RLN2: variants seen among roughly 807,000 people sequenced by gnomAD.
RLN2 encodes the protein prorelaxin H2.
A neutral mutation model predicts 7.3 loss-of-function variants in RLN2; 10 were observed. The observed-to-expected ratio is 1.36, with a 90% confidence interval of 0.84 to 2.31. The LOEUF is 2.31. RLN2 is among the 30% of genes most tolerant of loss of function. RLN2 has a pLI of 0.00. For missense variants in RLN2, 298 were observed against 217.6 expected (o/e 1.37, Z -2.32); for synonymous variants, 103 against 82.3 (o/e 1.25, Z -1.36).
At chr9:5,301,280 C>A (rs1488225656) in intron 1 of RLN2, among the ~76,000 whole-genome samples, 1 of 152,214 alleles carries the variant, frequency 6.6e-6, no homozygotes, top group Non-Finnish European at 1.5e-5. Flanking sequence ...AATGTGAAGG[C>A]TGGGACTTGG....
At chr9:5,314,185 T>C in the RLN2 span, among the ~76,000 whole-genome samples, 17 of 152,028 alleles carry the variant, frequency 1.1e-4, no homozygotes, top group African/African-American at 3.6e-4. Context: ...ATCAGAAACA[T>C]TGTTGGAATG....
chr9:5,334,199 G>A, the RLN2 span, among the ~76,000 whole-genome samples: 1 of 151,964 alleles, frequency 6.6e-6, no homozygotes, highest in Non-Finnish European at 1.5e-5. Flanking sequence ...GAAATAAAGG[G>A]TATTCGAATA....
the RLN2 span, among the ~76,000 whole-genome samples, chr9:5,323,922 C>A: frequency 3.3e-5 from 5 of 151,834 alleles, no homozygotes; most frequent in Admixed American, 3.3e-4. Flanking sequence ...TTGATATGTG[C>A]CTGTAGTCCC....
chr9:5,310,773 T>C, the RLN2 span, among the ~76,000 whole-genome samples: 1 of 152,074 alleles, frequency 6.6e-6, no homozygotes, highest in Non-Finnish European at 1.5e-5. Context: ...CTCCCTTCCA[T>C]TTCTTGTATC....
chr9:5,300,453 T>A lies in RLN2; in HGVS notation c.212-9A>T, dbSNP rs1427729689. On this transcript the variant is annotated splice_polypyrimidine_tract_variant and intron_variant, in intron 1 of 1. Transcript: ENST00000381627. ...GAAGGATGGCACAATTTCTGTTAAA[T>A]TTAAAAAAAAAGGTGTATGTGAGGG... 13 of 1,572,328 alleles carry A rather than the reference T, an allele frequency of 8.3e-6. No individual in the cohort carries two copies. The Admixed American group carries it at 1.3e-4, about 16-fold the overall frequency.
chr9:5,308,133 T>C (rs981427893), upstream of RLN2, among the ~76,000 whole-genome samples: 1 of 151,988 alleles, frequency 6.6e-6, no homozygotes, highest in Non-Finnish European at 1.5e-5. Context: ...TCTCCCCAGA[T>C]GCCTTTGGAA....
chr9:5,300,399 A>G lies in RLN2; in HGVS notation c.257T>C (p.Met86Thr), dbSNP rs770928034. The G allele has an allele frequency of 2.7e-5, 44 of 1,610,188 alleles. No individual in the cohort carries two copies. The highest frequency in any genetic ancestry group is 3.6e-5 in the Non-Finnish European group (42 of 1,179,060). Reference sequence around the variant, plus strand: ...CAAATTAGCAACAAATTCTGACATCATATTTATGGTTTCTGTATCTTTGTT... The same window carrying G: ...CAAATTAGCAACAAATTCTGACATCGTATTTATGGTTTCTGTATCTTTGTT... ...FINKDTETINMMSEFVANLPQ... is the reference protein window; with the variant it reads ...FINKDTETINTMSEFVANLPQ... The change falls in exon 2 of 2, where the codon ATG (methionine) becomes ACG (threonine). Residue 86 changes from methionine (M) to threonine (T), a missense_variant. By Grantham distance (81) the Met-to-Thr change is moderately conservative. Transcript: ENST00000381627.
the RLN2 span, among the ~76,000 whole-genome samples, chr9:5,318,739 G>A: frequency 6.6e-6 from 1 of 151,634 alleles, no homozygotes; most frequent in South Asian, 2.1e-4. Flanking sequence ...TTTTTGCTGA[G>A]GATTCTATTT....
the RLN2 span, among the ~76,000 whole-genome samples, chr9:5,322,486 G>C: frequency 6.6e-6 from 1 of 152,052 alleles, no homozygotes; most frequent in East Asian, 1.9e-4. Context: ...ACAAGGTTTT[G>C]CCTGTAGGAA....
chr9:5,307,288 G>C (rs1412572187), upstream of RLN2, among the ~76,000 whole-genome samples: 2 of 134,428 alleles, frequency 1.5e-5, no homozygotes, highest in Non-Finnish European at 3.2e-5. Context: ...TAGATAGATA[G>C]ATAGATAGAT....
the RLN2 span, among the ~76,000 whole-genome samples, chr9:5,327,638 A>C: frequency 6.6e-6 from 1 of 151,972 alleles, no homozygotes; most frequent in African/African-American, 2.4e-5. Flanking sequence ...CCTGACTGGG[A>C]AACACCTCCC....
At chr9:5,305,402 C>CACAA (rs397829533), upstream of RLN2, among the ~76,000 whole-genome samples, 4 of 112,204 alleles carry the variant, frequency 3.6e-5, no homozygotes, top group Non-Finnish European at 5.5e-5. Flanking sequence ...CACACACACA[C>CACAA]AGAGAGAGAG....
At chr9:5,332,015 A>C in the RLN2 span, among the ~76,000 whole-genome samples, 1 of 152,028 alleles carries the variant, frequency 6.6e-6, no homozygotes, top group South Asian at 2.1e-4. Flanking sequence ...TATTTGTGTT[A>C]ATGAAAAAAA....
At chr9:5,309,682 G>C (rs1441354849), upstream of RLN2, among the ~76,000 whole-genome samples, 1 of 152,062 alleles carries the variant, frequency 6.6e-6, no homozygotes, top group Admixed American at 6.6e-5. Context: ...TTCCTCTACA[G>C]TCTGTTCCTT....
the RLN2 span, among the ~76,000 whole-genome samples, chr9:5,329,484 C>T: frequency 9.5e-4 from 144 of 151,270 alleles, 3 homozygotes; most frequent in South Asian, 0.03. Flanking sequence ...GAGTCAAGAC[C>T]CCTTGGTGTG....
upstream of RLN2, chr9:5,304,778 C>T (rs1563736042): frequency 1.7e-6 from 1 of 605,270 alleles, no homozygotes; most frequent in Non-Finnish European, 3.0e-6. Flanking sequence ...CTTTCCCACA[C>T]CCCTCCACAG....
chr9:5,324,346 A>G, the RLN2 span, among the ~76,000 whole-genome samples: 1 of 152,186 alleles, frequency 6.6e-6, no homozygotes. Context: ...AATTCCCTCA[A>G]AACAAATGTG....
At chr9:5,332,266 TAG>T in the RLN2 span, among the ~76,000 whole-genome samples, 1 of 152,062 alleles carries the variant, frequency 6.6e-6, no homozygotes, top group African/African-American at 2.4e-5. Context: ...TGTGCAGAAG[TAG>T]ACTGGCTTTC....
intron 1 of RLN2, 118 bp from the exon 2 acceptor site, chr9:5,300,562 G>A: frequency 1.5e-6 from 1 of 671,864 alleles, no homozygotes; most frequent in Non-Finnish European, 2.5e-6. Context: ...ATTAAACATT[G>A]AAACAAAATA....
Sources: allele counts gnomAD v4.1 joint callset (sites outside exome capture counted in the v4.1 genomes callset), GRCh38; gene constraint gnomAD v4.1.1; transcripts MANE v1.5; gene names NCBI Gene and HGNC (gene_info 2026-07-23, HGNC 2026-07-21).